Variants in PHLPP1 observed in about 807,000 individuals in gnomAD.
PHLPP1 encodes the protein PH domain and leucine rich repeat protein phosphatase 1.
Under a neutral mutation model 117.2 loss-of-function variants are expected in PHLPP1, and 42 were observed. The ratio of observed to expected loss-of-function variants is 0.36; its 90% CI spans 0.28 to 0.46. The LOEUF is 0.46. PHLPP1 is among the 20% of genes least tolerant of loss of function. The pLI is 1.00. For missense variants in PHLPP1, 2,084 were observed against 2,241.9 expected, an observed-to-expected ratio of 0.93 and a Z score of 1.42; for synonymous variants, 1,042 against 970.7, an observed-to-expected ratio of 1.07 and a Z score of -1.37.
At chr18:62,790,013 T>C (rs938102331) in intron 1 of PHLPP1, among the ~76,000 whole-genome samples, 16 of 152,174 alleles carry the variant, frequency 1.1e-4, no homozygotes, top group African/African-American at 3.9e-4. Context: ...AGGCTAGTGA[T>C]TTCATGGGCT....
chr18:62,839,235 C>A (rs1411439593), intron 3 of PHLPP1: 2 of 201,866 alleles, frequency 9.9e-6, no homozygotes, highest in Admixed American at 1.1e-4. Flanking sequence ...TATAAAACCA[C>A]AAAATACCCA....
chr18:62,826,611 G>C (rs1285182339), intron 1 of PHLPP1, among the ~76,000 whole-genome samples: 2 of 152,144 alleles, frequency 1.3e-5, no homozygotes, highest in Non-Finnish European at 2.9e-5. Flanking sequence ...ACGGACATTA[G>C]ATGCTCTTTT....
chr18:62,800,002 C>T (rs1913731125), intron 1 of PHLPP1, among the ~76,000 whole-genome samples: 1 of 152,086 alleles, frequency 6.6e-6, no homozygotes, highest in South Asian at 2.1e-4. Context: ...ATGTTATTAA[C>T]CCACACCCCA....
At chr18:62,800,474 T>G (rs955414736) in intron 1 of PHLPP1, among the ~76,000 whole-genome samples, 6 of 152,186 alleles carry the variant, frequency 3.9e-5, no homozygotes, top group Non-Finnish European at 7.3e-5. Context: ...AGTGGTGATC[T>G]CAACTTTTTT....
intron 4 of PHLPP1, among the ~76,000 whole-genome samples, chr18:62,879,096 A>G (rs1029099455): frequency 1.3e-5 from 2 of 152,180 alleles, no homozygotes; most frequent in Non-Finnish European, 2.9e-5. Flanking sequence ...TATTGGTGCT[A>G]TGGTTTGAAT....
At chr18:62,766,076 A>ATATATATATATATATATATATATAT (rs1555670395) in intron 1 of PHLPP1, among the ~76,000 whole-genome samples, 12 of 21,634 alleles carry the variant, frequency 5.5e-4, no homozygotes, top group Admixed American at 1.6e-3. Context: ...AAAAAAAAAA[A>ATATATATATATATATATATATATAT]ATATATATAT....
chr18:62,956,517 G>T (rs1479778920), intron 12 of PHLPP1, among the ~76,000 whole-genome samples: 1 of 152,140 alleles, frequency 6.6e-6, no homozygotes, highest in African/African-American at 2.4e-5. Context: ...TGAAGATGGG[G>T]AAAATGGTTG....
Position 62,978,823 on chromosome 18 carries a change from T to A in PHLPP1, c.4546T>A (p.Cys1516Ser). 1 of 1,610,276 alleles carries A rather than the reference T, an allele frequency of 6.2e-7. No homozygotes were observed. Among genetic ancestry groups the A allele is most frequent in the Non-Finnish European group, 8.5e-7 (1 of 1,178,302 alleles). ...CCCTGCCTACCCCAGTGAGCAGCGC[T>A]GCATGCTCCACCCCATCTGTCTGTC... ...NSPAYPSEQRCMLHPICLSNS... is the reference protein window; with the variant it reads ...NSPAYPSEQRSMLHPICLSNS... The change falls in exon 17 of 17, where the codon TGC becomes AGC. Residue 1516 changes from cysteine (C) to serine (S), a missense_variant. By Grantham distance (112) the Cys-to-Ser change is moderately radical. Around this residue, in one of 2 missense-constraint regions of PHLPP1, gnomAD observed 1,365 missense variants for 1,605.9 expected, o/e 0.85. Coordinates refer to ENST00000262719, the MANE Select transcript of PHLPP1 (RefSeq NM_194449.4). This position sits in a 1 kb window ranked among gnomAD's most constrained non-coding sequence, Gnocchi z 7.0.
At chr18:62,804,265 C>A (rs1248070875) in intron 1 of PHLPP1, among the ~76,000 whole-genome samples, 1 of 152,184 alleles carries the variant, frequency 6.6e-6, no homozygotes, top group Admixed American at 6.5e-5. Context: ...ATGATCCAAT[C>A]ACTTCCCATC....
At chr18:62,940,610 T>C (rs1477728890) in intron 10 of PHLPP1, among the ~76,000 whole-genome samples, 5 of 152,062 alleles carry the variant, frequency 3.3e-5, no homozygotes, top group Non-Finnish European at 7.4e-5. Context: ...GTGATCCGCC[T>C]GCCTCGGCCT....
intron 3 of PHLPP1, among the ~76,000 whole-genome samples, chr18:62,852,674 A>G (rs1312441164): frequency 6.6e-6 from 1 of 152,212 alleles, no homozygotes; most frequent in Non-Finnish European, 1.5e-5. Context: ...TCACACAAGC[A>G]GAATTATTTG....
At chr18:62,854,727 G>T (rs551718117) in intron 3 of PHLPP1, among the ~76,000 whole-genome samples, 5 of 132,362 alleles carry the variant, frequency 3.8e-5, no homozygotes, top group Non-Finnish European at 7.7e-5. Flanking sequence ...ATGAAGTTTC[G>T]CTCTTGTCAC....
intron 3 of PHLPP1, among the ~76,000 whole-genome samples, chr18:62,844,833 C>T (rs1915141162): frequency 6.6e-6 from 1 of 152,180 alleles, no homozygotes; most frequent in South Asian, 2.1e-4. Context: ...ATATTGTGAG[C>T]TACGCTTTTA....
chr18:62,728,608 A>G (rs1428700429), intron 1 of PHLPP1, among the ~76,000 whole-genome samples: 3 of 150,386 alleles, frequency 2.0e-5, no homozygotes, highest in African/African-American at 7.4e-5. Context: ...GGTTCAAGTG[A>G]TTCTCCTGTC....
chr18:62,844,061 T>C lies in PHLPP1; in HGVS notation c.1899+5152T>C, dbSNP rs1915116462. Among the ~76,000 whole-genome samples, 7 of 152,272 alleles carry C rather than the reference T, an allele frequency of 4.6e-5. No homozygotes were observed. In the South Asian group the frequency reaches 1.5e-3, roughly 32 times the overall value. ...ATATTATTCTACTTTAAAGTCTGCT[T>C]CTTGGCCGGGCGTGGTGGCTCACAC... On this transcript the variant is annotated intron_variant, in intron 3 of 16. Transcript: ENST00000262719.
intron 12 of PHLPP1, among the ~76,000 whole-genome samples, chr18:62,953,429 G>C (rs894187457): frequency 3.9e-5 from 6 of 152,136 alleles, no homozygotes; most frequent in Non-Finnish European, 8.8e-5. Context: ...GTTCTCACAT[G>C]CCTGATTAAC....
At chr18:62,840,644 C>G (rs190911042) in intron 3 of PHLPP1, among the ~76,000 whole-genome samples, 18 of 152,310 alleles carry the variant, frequency 1.2e-4, no homozygotes, top group Admixed American at 9.8e-4. Context: ...TAACTAGGAT[C>G]AAAGTGCAGC....
intron 10 of PHLPP1, among the ~76,000 whole-genome samples, chr18:62,922,813 A>G (rs944694280): frequency 6.6e-6 from 1 of 152,122 alleles, no homozygotes; most frequent in African/African-American, 2.4e-5. Flanking sequence ...TGGAGACTGT[A>G]TTTTCATGTT....
intron 1 of PHLPP1, among the ~76,000 whole-genome samples, chr18:62,759,283 GT>G (rs1174711597): frequency 3.9e-5 from 6 of 152,074 alleles, no homozygotes; most frequent in African/African-American, 1.4e-4. Context: ...TTGGGAAAAT[GT>G]TTAAAAAATG....
Sources: gnomAD v4.1 joint callset for allele counts (sites outside exome capture counted in the v4.1 genomes callset) on GRCh38, gnomAD v4.1.1 for gene constraint, gnomAD v4.1.1 regional missense constraint, Gnocchi (gnomAD v3.1) non-coding constraint, MANE v1.5 for transcripts, NCBI Gene and HGNC (gene_info 2026-07-23, HGNC 2026-07-21) for gene names.